The following SETD5 variants were observed in gnomAD, a reference collection of about 807,000 sequenced individuals.
SETD5 encodes the protein SET domain containing 5, also known as histone-lysine N-methyltransferase SETD5.
SETD5 carries 44 observed loss-of-function variants against 153.3 expected under a neutral mutation model. That is an observed-to-expected ratio of 0.29 (90% CI 0.23 to 0.37). The LOEUF is 0.37. SETD5 is among the 10% of genes least tolerant of loss of function. The probability of loss-of-function intolerance (pLI) is 1.00; values close to 1 mark genes in which losing one functional copy is unlikely to be tolerated. For missense variants in SETD5, 1,544 were observed against 1,768.0 expected (o/e 0.87, Z 2.27); for synonymous variants, 716 against 645.2 (o/e 1.11, Z -1.66).
intron 17 of SETD5, among the ~76,000 whole-genome samples, chr3:9,459,993 CATT>C (rs2043758104): frequency 6.6e-6 from 1 of 151,676 alleles, no homozygotes; most frequent in Non-Finnish European, 1.5e-5. Context: ...CCACTATTAC[CATT>C]ATTATTTAAT....
chr3:9,406,607 C>CAAAATAAAAAAAAAAA (rs2035731917), intron 1 of SETD5, among the ~76,000 whole-genome samples: 1 of 99,284 alleles, frequency 1.0e-5, no homozygotes, highest in African/African-American at 3.9e-5. Flanking sequence ...GACTCTGTCT[C>CAAAATAAAAAAAAAAA]AAAAAAAAAA....
chr3:9,417,026 A>T (rs7615424), intron 1 of SETD5, among the ~76,000 whole-genome samples: 13,464 of 152,190 alleles, frequency 0.088, 2,004 homozygotes, highest in African/African-American at 0.31. Flanking sequence ...GCTAATTAAC[A>T]AAAATGTTCT....
chr3:9,448,655 G>A, intron 16 of SETD5, 25 bp downstream of exon 16: 12 of 1,518,396 alleles, frequency 7.9e-6, no homozygotes, highest in Non-Finnish European at 1.1e-5. Context: ...TTGTGTGTGT[G>A]TTGTGTTTAT....
chr3:9,470,615 A>G lies in SETD5; in HGVS notation c.2881A>G (p.Arg961Gly). Residue 961 changes from arginine (R) to glycine (G), a missense_variant, in exon 19 of 23, where the codon AGA becomes GGA. Physicochemically the swap from Arg to Gly is moderately radical, Grantham distance 125 (BLOSUM62 -2). Around this residue, in one of 9 missense-constraint regions of SETD5, gnomAD observed 782 missense variants for 787.2 expected, o/e 0.99. Coordinates refer to ENST00000402198, the MANE Select transcript of SETD5 (RefSeq NM_001080517.3). ...CACTTCTGAGACTGGTTTCCCAAGC[A>G]GAAGTGGAGATGGACATCAGACCCT... ...GPTSETGFPS[R>G]SGDGHQTLVR... 6.2e-7 allele frequency: 1 copy of G among 1,614,002 alleles called. No homozygotes were observed.
At chr3:9,451,008 G>C (rs1297397134) in intron 16 of SETD5, among the ~76,000 whole-genome samples, 1 of 152,008 alleles carries the variant, frequency 6.6e-6, no homozygotes, top group Non-Finnish European at 1.5e-5. Context: ...GCATTTTTTA[G>C]TTCCTCAGTT....
chr3:9,440,366 T>C (rs2041126265), intron 7 of SETD5, 90 bp from the exon 8 acceptor site: 3 of 689,664 alleles, frequency 4.3e-6, no homozygotes, highest in Non-Finnish European at 7.8e-6. Context: ...GTGATAAATT[T>C]TCTCTGGAAC....
At chr3:9,472,321 G>T (rs1210496825) in intron 19 of SETD5, among the ~76,000 whole-genome samples, 1 of 152,140 alleles carries the variant, frequency 6.6e-6, no homozygotes, top group African/African-American at 2.4e-5. Context: ...TTTAGTCAGG[G>T]AGCAATCAAG....
chr3:9,472,187 A>G (rs545152512), intron 19 of SETD5, among the ~76,000 whole-genome samples: 9 of 150,812 alleles, frequency 6.0e-5, no homozygotes, highest in African/African-American at 2.2e-4. Context: ...ATTTTATTTC[A>G]GAAACACTTC....
Position 9,434,944 on chromosome 3 carries a change from C to T in SETD5, c.388+62C>T, listed in dbSNP as rs2040378715. 6.4e-7 allele frequency: 1 copy of T among 1,565,820 alleles called. No homozygotes were observed. Reference sequence around the variant, plus strand: ...AAAAATATTCTGTGATCTGAATGTTCATTTTAAGAACCCCTCTTGGCCAGG... The same window carrying T: ...AAAAATATTCTGTGATCTGAATGTTTATTTTAAGAACCCCTCTTGGCCAGG... On this transcript the variant is annotated intron_variant, in intron 6 of 22. Coordinates refer to ENST00000402198, the MANE Select transcript of SETD5 (RefSeq NM_001080517.3). This position sits in a 1 kb window ranked among gnomAD's most constrained non-coding sequence, Gnocchi z 5.6.
rs1208038932 is a variant in SETD5 at position 9,447,306 on chromosome 3, G to C, written c.1781G>C (p.Gly594Ala). 6.2e-7 allele frequency: 1 copy of C among 1,610,252 alleles called. No homozygotes were observed. Among genetic ancestry groups the C allele is most frequent in the Admixed American group, 1.7e-5 (1 of 59,090 alleles). The change falls in exon 14 of 23, where the codon GGG becomes GCG. Residue 594 changes from glycine (G) to alanine (A), a missense_variant and splice_region_variant. Coordinates refer to ENST00000402198, the MANE Select transcript of SETD5 (RefSeq NM_001080517.3). ...GVNTRRSSQA[G>A]DIAAEKLVPK... is the part of the protein sequence containing the mutation. ...AATACCCGGAGGTCTTCCCAAGCAG[G>C]GGTAAGAGTTGAAAAGACTTCAGCA...
rs1346389916 is a variant in SETD5, at chr3:9,475,809, G to A, written c.4047G>A (p.Leu1349=). ...SCPSSAASPT[L]QGPSDSPTSD... is the part of the protein sequence containing the mutation. Reference sequence around the variant, plus strand: ...CTTCTAGTGCTGCTAGCCCTACCCTGCAGGGACCCTCAGACTCGCCAACCT... The same window carrying A: ...CTTCTAGTGCTGCTAGCCCTACCCTACAGGGACCCTCAGACTCGCCAACCT... Residue 1349 remains leucine, a synonymous_variant, in exon 23 of 23, where the codon CTG becomes CTA. Transcript: ENST00000402198. 2 of 1,614,020 alleles carry A rather than the reference G, an allele frequency of 1.2e-6. No individual in the cohort carries two copies. The highest frequency in any genetic ancestry group is 1.7e-6 in the Non-Finnish European group (2 of 1,179,890).
Position 9,441,613 on chromosome 3 carries a change from T to C in SETD5, c.831T>C (p.Thr277=). The change falls in exon 9 of 23, where the codon ACT becomes ACC. Residue 277 remains threonine (T), a synonymous_variant. Coordinates refer to ENST00000402198, the MANE Select transcript of SETD5 (RefSeq NM_001080517.3). ...TTCAGTTACAGCTGGGAAGAGTCAC[T>C]CGTGTTCAAAAGCACCGGAAGATCC... ...SQMQLQLGRV[T]RVQKHRKILR... The C allele has an allele frequency of 6.2e-7, 1 of 1,613,978 alleles. No homozygotes were observed. The highest frequency in any genetic ancestry group is 8.5e-7 in the Non-Finnish European group (1 of 1,179,834).
intron 17 of SETD5, among the ~76,000 whole-genome samples, chr3:9,462,336 C>T (rs1024910127): frequency 7.9e-5 from 12 of 151,996 alleles, no homozygotes; most frequent in Non-Finnish European, 1.0e-4. Flanking sequence ...GCCTGTAATC[C>T]CAGCACTTTG....
chr3:9,433,114 T>C (rs918951699), intron 3 of SETD5, among the ~76,000 whole-genome samples: 2 of 152,222 alleles, frequency 1.3e-5, no homozygotes, highest in Admixed American at 1.3e-4. Flanking sequence ...CTAACAAATA[T>C]TGGGCAGTTC....
At position 9,476,194 on chromosome 3, in the gene SETD5, C is replaced by G; in HGVS notation, c.*103C>G. 1 of 1,439,542 alleles carries G rather than the reference C, an allele frequency of 6.9e-7. No homozygotes were observed. Among genetic ancestry groups the G allele is most frequent in the Non-Finnish European group, 9.2e-7 (1 of 1,083,348 alleles). 89.2% of individuals were successfully genotyped at this position (1,439,542 alleles called of 1,614,324 possible). ...GCATATTGCTGAGGAACGGGGGGTACAAGGTGCCAGAGGATTGGGTCTGGT... is the reference window on the plus strand; with the variant it reads ...GCATATTGCTGAGGAACGGGGGGTAGAAGGTGCCAGAGGATTGGGTCTGGT... On this transcript the variant is annotated 3_prime_UTR_variant, in exon 23 of 23. Transcript: ENST00000402198.
At position 9,434,357 on chromosome 3, in the gene SETD5, G is replaced by A; in HGVS notation, c.201G>A (p.Leu67=). The change falls in exon 5 of 23, where the codon CTG becomes CTA. Residue 67 remains leucine (L), a synonymous_variant. Coordinates refer to ENST00000402198, the MANE Select transcript of SETD5 (RefSeq NM_001080517.3). This position sits in a 1 kb window ranked among gnomAD's most constrained non-coding sequence, Gnocchi z 5.6. ...PYATIIPRSD[L]NGLPSPVEER... Reference sequence around the variant, plus strand: ...AGACGATCATCCCTCGTTCTGACCTGAATGGCCTGCCGTCGCCTGTAGAGG... The same window carrying A: ...AGACGATCATCCCTCGTTCTGACCTAAATGGCCTGCCGTCGCCTGTAGAGG... The A allele has an allele frequency of 6.2e-7, 1 of 1,613,908 alleles. No homozygotes were observed.
intron 10 of SETD5, among the ~76,000 whole-genome samples, chr3:9,442,551 T>C (rs1235876536): frequency 6.6e-6 from 1 of 152,198 alleles, no homozygotes; most frequent in Non-Finnish European, 1.5e-5. Context: ...TGGAAGTAGA[T>C]GTTGTTAGGC....
At chr3:9,401,875 CATCAA>C (rs1031137352) in intron 1 of SETD5, among the ~76,000 whole-genome samples, 1 of 152,168 alleles carries the variant, frequency 6.6e-6, no homozygotes, top group African/African-American at 2.4e-5. Flanking sequence ...TTGTTTGAGG[CATCAA>C]ACTTTGCAAA....
chr3:9,446,306 A>AC (rs35399055), intron 13 of SETD5, among the ~76,000 whole-genome samples: 94,855 of 119,942 alleles, frequency 0.79, 40,268 homozygotes, highest in Middle Eastern at 0.89. Context: ...AAAAAAAAAA[A>AC]AATCTGGTTT....
Sources: allele counts gnomAD v4.1 joint callset (sites outside exome capture counted in the v4.1 genomes callset), GRCh38; gene constraint gnomAD v4.1.1; regional missense constraint gnomAD v4.1.1; non-coding constraint Gnocchi (gnomAD v3.1); transcripts MANE v1.5; gene names NCBI Gene and HGNC (gene_info 2026-07-23, HGNC 2026-07-21).